The following FBXW2 variants were observed in gnomAD, a reference collection of about 807,000 sequenced individuals.
The protein encoded by FBXW2 is F-box and WD repeat domain containing 2.
In FBXW2, 12 loss-of-function variants were observed where a neutral mutation model predicts 46.0. The observed-to-expected ratio is 0.26, with a 90% confidence interval of 0.17 to 0.42. The LOEUF is 0.42. FBXW2 is among the 10% of genes least tolerant of loss of function. The pLI is 1.00. For synonymous variants in FBXW2, 203 were observed against 209.6 expected, an observed-to-expected ratio of 0.97 and a Z score of 0.27; for missense variants, 360 against 537.0, an observed-to-expected ratio of 0.67 and a Z score of 3.26.
At chr9:120,766,465 T>A (rs2044277100) in intron 7 of FBXW2, among the ~76,000 whole-genome samples, 1 of 152,090 alleles carries the variant, frequency 6.6e-6, no homozygotes, top group Admixed American at 6.5e-5. Context: ...TTTTAATTAT[T>A]TTTATTTATT....
At chr9:120,792,843 A>C in intron 2 of FBXW2, 1 of 1,414,432 alleles carries the variant, frequency 7.1e-7, no homozygotes, top group Non-Finnish European at 9.4e-7. Flanking sequence ...TAGCATTAAT[A>C]TTGTTATCTT....
chr9:120,784,341 G>A (rs914662230), intron 3 of FBXW2, among the ~76,000 whole-genome samples: 2 of 152,196 alleles, frequency 1.3e-5, no homozygotes, highest in African/African-American at 4.8e-5. Flanking sequence ...CCTAGGCATA[G>A]TGGCTCACAC....
intron 7 of FBXW2, 80 bp from the exon 8 acceptor site, chr9:120,764,927 T>C: frequency 2.6e-6 from 3 of 1,161,752 alleles, no homozygotes; most frequent in South Asian, 2.0e-5. Flanking sequence ...TCTGGAGATA[T>C]TTAAAACCAA....
chr9:120,757,590 CAAT>C lies in FBXW2; in HGVS notation c.*6966_*6968del, dbSNP rs1010252875. 6.6e-6 allele frequency: 1 copy of C among 152,076 alleles called. No individual in the cohort carries two copies. The highest frequency in any genetic ancestry group is 2.4e-5 in the African/African-American group (1 of 41,424). The allele number at this position is 152,076 out of a possible 1,614,324, so 9.4% of individuals were successfully genotyped here. A position where few individuals can be genotyped will look rare whatever the true frequency, so the allele number is the denominator to read the frequency against. On this transcript the variant is annotated 3_prime_UTR_variant, in exon 8 of 8. Coordinates refer to ENST00000608872, the MANE Select transcript of FBXW2 (RefSeq NM_012164.4). ...ACATTTTTGAGAATGTATTACAAAA[CAAT>C]GATTTGCAGTACATAAATCCATACA...
At chr9:120,769,593 A>G (rs760782495) in intron 7 of FBXW2, among the ~76,000 whole-genome samples, 1 of 152,202 alleles carries the variant, frequency 6.6e-6, no homozygotes, top group African/African-American at 2.4e-5. Context: ...AACAAAAACA[A>G]TATTGAACTA....
intron 5 of FBXW2, among the ~76,000 whole-genome samples, chr9:120,773,637 G>A (rs979610108): frequency 6.6e-6 from 1 of 152,228 alleles, no homozygotes; most frequent in African/African-American, 2.4e-5. Context: ...AGGCTAAGGT[G>A]AGAGGGGAAG....
chr9:120,782,673 C>T (rs1213190844), intron 3 of FBXW2, among the ~76,000 whole-genome samples: 1 of 151,938 alleles, frequency 6.6e-6, no homozygotes, highest in East Asian at 1.9e-4. Flanking sequence ...GAGACCCCAT[C>T]TCCATAAAAA....
At chr9:120,777,144 G>A (rs1228743804) in intron 4 of FBXW2, among the ~76,000 whole-genome samples, 1 of 152,196 alleles carries the variant, frequency 6.6e-6, no homozygotes, top group Non-Finnish European at 1.5e-5. Flanking sequence ...AAAATTTTTA[G>A]AGCAGGGTTC....
At chr9:120,781,745 G>A (rs541250303) in intron 3 of FBXW2, among the ~76,000 whole-genome samples, 43 of 152,074 alleles carry the variant, frequency 2.8e-4, no homozygotes, top group African/African-American at 5.8e-4. Flanking sequence ...AAAATTGGCC[G>A]GGTGTGGTGG....
rs373388342 is a variant in FBXW2 at position 120,787,976 on chromosome 9, T to C, written c.283A>G (p.Thr95Ala). Reference protein sequence around the residue: ...KQWNKVISACTEVWQTACKNL... With the variant: ...KQWNKVISACAEVWQTACKNL... Reference sequence around the variant, plus strand: ...TTACATGCAGTCTGCCACACCTCTGTACAGGCACTTATCACCTTATTCCAC... The same window carrying C: ...TTACATGCAGTCTGCCACACCTCTGCACAGGCACTTATCACCTTATTCCAC... The change falls in exon 3 of 8, where the codon ACA becomes GCA. Residue 95 changes from threonine to alanine, a missense_variant. Transcript: ENST00000608872. 3.1e-6 allele frequency: 5 copies of C among 1,614,116 alleles called. No homozygotes were observed. The highest frequency in any genetic ancestry group is 2.7e-5 in the African/African-American group (2 of 74,938).
Position 120,793,357 on chromosome 9 carries a change from G to C in FBXW2, c.-133C>G, listed in dbSNP as rs1052040214. 1.5e-5 allele frequency: 6 copies of C among 403,096 alleles called. No individual in the cohort carries two copies. Among genetic ancestry groups the C allele is most frequent in the Non-Finnish European group, 2.6e-5 (6 of 228,794 alleles). The allele number at this position is 403,096 out of a possible 1,614,324, so 25.0% of individuals were successfully genotyped here. A position where few individuals can be genotyped will look rare whatever the true frequency, so the allele number is the denominator to read the frequency against. ...CGGCCCCGCCTCGCATACAGACCCG[G>C]ACCTGCGGCCGCTGCTCCCGGTCCG... On this transcript the variant is annotated 5_prime_UTR_variant, in exon 1 of 8. Coordinates refer to ENST00000608872, the MANE Select transcript of FBXW2 (RefSeq NM_012164.4).
intron 2 of FBXW2, among the ~76,000 whole-genome samples, chr9:120,789,349 CCTGAG>C (rs916699812): frequency 5.9e-5 from 9 of 152,138 alleles, no homozygotes; most frequent in African/African-American, 2.2e-4. Context: ...ACAAATTGCT[CCTGAG>C]CTAACTGTAA....
At chr9:120,786,275 GC>G (rs570228414) in intron 3 of FBXW2, among the ~76,000 whole-genome samples, 5 of 152,104 alleles carry the variant, frequency 3.3e-5, no homozygotes, top group Admixed American at 6.5e-5. Context: ...CATGGGGGTG[GC>G]CCCCCATGCT....
In FBXW2 at chr9:120,764,184, C is replaced by T. The variant is rs1156603072; in HGVS notation, c.*375G>A. 5.0e-6 allele frequency: 2 copies of T among 396,422 alleles called. No individual in the cohort carries two copies. Among genetic ancestry groups the T allele is most frequent in the African/African-American group, 2.1e-5 (1 of 48,768 alleles). The allele number at this position is 396,422 out of a possible 1,614,324, so 24.6% of individuals were successfully genotyped here. A position where few individuals can be genotyped will look rare whatever the true frequency, so the allele number is the denominator to read the frequency against. On this transcript the variant is annotated 3_prime_UTR_variant, in exon 8 of 8. Coordinates refer to ENST00000608872, the MANE Select transcript of FBXW2 (RefSeq NM_012164.4). ...AAGAAAAAAAGGCTATGGTAAAAAG[C>T]TTTAATAACAGACAATGTGATTTCA...
Position 120,773,200 on chromosome 9 carries a change from AAAAC to A in FBXW2, c.820-364_820-361del, listed in dbSNP as rs1163863063. On this transcript the variant is annotated intron_variant, in intron 5 of 7. Coordinates refer to ENST00000608872, the MANE Select transcript of FBXW2 (RefSeq NM_012164.4). ...AGACCACAACGCTTAAAAAAAAAAAAAAACAGTCTAAACATTGGCAGCATTTAAT... is the reference window on the plus strand; with the variant it reads ...AGACCACAACGCTTAAAAAAAAAAAAAGTCTAAACATTGGCAGCATTTAAT... 3.9e-5 allele frequency among the ~76,000 whole-genome samples: 6 copies of A among 152,318 alleles called. 1 individual carries two copies. The highest frequency in any genetic ancestry group is 3.3e-4 in the Admixed American group (5 of 15,298).
rs896974090 is a variant in FBXW2 at position 120,762,820 on chromosome 9, T to C, written c.*1739A>G. On this transcript the variant is annotated 3_prime_UTR_variant, in exon 8 of 8. Coordinates refer to ENST00000608872, the MANE Select transcript of FBXW2 (RefSeq NM_012164.4). ...GCTGTCACTGAGGTTCCAATTCTTA[T>C]GTTCATCTTCAAACTACCTTCCTAT... 3.3e-5 allele frequency: 5 copies of C among 152,248 alleles called. No homozygotes were observed. Among genetic ancestry groups the C allele is most frequent in the East Asian group, 1.9e-4 (1 of 5,198 alleles). The allele number at this position is 152,248 out of a possible 1,614,324, so 9.4% of individuals were successfully genotyped here.
In FBXW2 at chr9:120,787,896, C is replaced by T. The variant is rs752916250; in HGVS notation, c.363G>A (p.Lys121=). The stretch of plus-strand genomic sequence containing the variant: ...TTCTCAAAATAGCCTTCAAATAAAC[C>T]TTCTTCCAGTGCAAAGCGTCCTGAA... ...DSVQDALHWK[K]VYLKAILRMK... The change falls in exon 3 of 8, where the codon AAG becomes AAA. Residue 121 remains lysine, a synonymous_variant. Transcript: ENST00000608872. 1.2e-6 allele frequency: 2 copies of T among 1,614,176 alleles called. No individual in the cohort carries two copies. Among genetic ancestry groups the T allele is most frequent in the South Asian group, 2.2e-5 (2 of 91,084 alleles).
At chr9:120,764,976 T>C (rs946623137) in intron 7 of FBXW2, 129 bp from the exon 8 acceptor site, 32 of 759,658 alleles carry the variant, frequency 4.2e-5, no homozygotes, top group Non-Finnish European at 6.0e-5. Flanking sequence ...ATGTTTTTGA[T>C]AAAAAGTAAA....
intron 7 of FBXW2, among the ~76,000 whole-genome samples, chr9:120,766,746 C>T (rs2044283139): frequency 6.6e-6 from 1 of 152,248 alleles, no homozygotes; most frequent in African/African-American, 2.4e-5. Flanking sequence ...AGGCGTGAGC[C>T]ACTGCACCCA....
Sources: gnomAD v4.1 joint callset for allele counts (sites outside exome capture counted in the v4.1 genomes callset) on GRCh38, gnomAD v4.1.1 for gene constraint, MANE v1.5 for transcripts, NCBI Gene and HGNC (gene_info 2026-07-23, HGNC 2026-07-21) for gene names.